The following LOC122539214 variants were observed in gnomAD, a reference collection of about 807,000 sequenced individuals.
chr19:52,667,912 T>C, the LOC122539214 span, among the ~76,000 whole-genome samples: 1 of 152,196 alleles, frequency 6.6e-6, no homozygotes, highest in Non-Finnish European at 1.5e-5. Context: ...AAATCATACA[T>C]GAAGTGTTAA....
the LOC122539214 span, among the ~76,000 whole-genome samples, chr19:52,681,214 C>T: frequency 2.7e-4 from 37 of 135,840 alleles, no homozygotes; most frequent in Middle Eastern, 4.3e-3. Flanking sequence ...GCCCAGGAGA[C>T]GGAGGCTGCA....
At chr19:52,684,971 C>T in the LOC122539214 span, among the ~76,000 whole-genome samples, 1 of 152,270 alleles carries the variant, frequency 6.6e-6, no homozygotes, top group Middle Eastern at 3.4e-3. Flanking sequence ...ACTGACATGA[C>T]CTGCTTTAGA....
the LOC122539214 span, among the ~76,000 whole-genome samples, chr19:52,656,714 A>T: frequency 6.6e-6 from 1 of 152,010 alleles, no homozygotes; most frequent in African/African-American, 2.4e-5. Flanking sequence ...AAAAACACAA[A>T]AATTAGCTTG....
the LOC122539214 span, among the ~76,000 whole-genome samples, chr19:52,661,155 A>T: frequency 1.9e-3 from 291 of 152,146 alleles, 2 homozygotes; most frequent in African/African-American, 6.8e-3. Flanking sequence ...AAACCACCAG[A>T]CCCAGCTGAG....
the LOC122539214 span, among the ~76,000 whole-genome samples, chr19:52,670,186 C>T: frequency 2.0e-5 from 3 of 152,078 alleles, no homozygotes; most frequent in Non-Finnish European, 4.4e-5. Flanking sequence ...TCCACCTTGA[C>T]TCATTCTGAT....
chr19:52,673,464 C>G, the LOC122539214 span, among the ~76,000 whole-genome samples: 1 of 151,960 alleles, frequency 6.6e-6, no homozygotes, highest in African/African-American at 2.4e-5. Flanking sequence ...GATCGCACCA[C>G]TACACTCCAG....
the LOC122539214 span, among the ~76,000 whole-genome samples, chr19:52,675,457 C>T: frequency 6.6e-6 from 1 of 152,274 alleles, no homozygotes; most frequent in East Asian, 1.9e-4. Context: ...GCGCTGCTGA[C>T]AGTGGTTCTG....
chr19:52,652,487 C>A, the LOC122539214 span: 1 of 442,190 alleles, frequency 2.3e-6, no homozygotes, highest in East Asian at 7.1e-5. Context: ...AGGTTCTCTC[C>A]CATATGAATT....
the LOC122539214 span, chr19:52,652,055 A>C: frequency 4.2e-6 from 1 of 237,864 alleles, no homozygotes; most frequent in Non-Finnish European, 8.5e-6. Flanking sequence ...GAGTGACCTC[A>C]GACTAAAGAC....
the LOC122539214 span, among the ~76,000 whole-genome samples, chr19:52,661,032 T>C: frequency 1.3e-5 from 2 of 152,002 alleles, no homozygotes; most frequent in Admixed American, 1.3e-4. Context: ...GCACAGCTAA[T>C]TTTTGTATTT....
At chr19:52,667,263 T>C in the LOC122539214 span, among the ~76,000 whole-genome samples, 1 of 150,612 alleles carries the variant, frequency 6.6e-6, no homozygotes, top group Non-Finnish European at 1.5e-5. Flanking sequence ...AGAATTTATG[T>C]AAAAAGAATG....
the LOC122539214 span, among the ~76,000 whole-genome samples, chr19:52,653,868 A>G: frequency 6.6e-6 from 1 of 152,196 alleles, no homozygotes; most frequent in African/African-American, 2.4e-5. Context: ...AATGTGAGCT[A>G]TAATTAAAGG....
the LOC122539214 span, among the ~76,000 whole-genome samples, chr19:52,683,263 T>C: frequency 1.4e-3 from 128 of 88,406 alleles, 1 homozygote; most frequent in African/African-American, 4.0e-3. Flanking sequence ...TGTGTGTGTG[T>C]GTGTGTGTGT....
chr19:52,687,573 AAATTT>A, the LOC122539214 span, among the ~76,000 whole-genome samples: 16 of 36,000 alleles, frequency 4.4e-4, no homozygotes, highest in African/African-American at 1.6e-3. Context: ...ATATATATAT[AAATTT>A]TATATATATA....
the LOC122539214 span, chr19:52,651,683 C>CAA: frequency 4.3e-5 from 5 of 117,278 alleles, no homozygotes; most frequent in East Asian, 2.4e-4. Flanking sequence ...GACTCTGTCT[C>CAA]AAAAAAAAAA....
the LOC122539214 span, chr19:52,651,861 A>T: frequency 6.2e-6 from 1 of 161,958 alleles, no homozygotes; most frequent in African/African-American, 2.4e-5. Flanking sequence ...GAGCAACTGC[A>T]CCCTGCCCAT....
At chr19:52,663,931 G>A in the LOC122539214 span, among the ~76,000 whole-genome samples, 3 of 152,078 alleles carry the variant, frequency 2.0e-5, no homozygotes, top group Admixed American at 6.6e-5. Context: ...TCTGTTGCCC[G>A]GCTGGAATGC....
At chr19:52,689,981 G>C in the LOC122539214 span, among the ~76,000 whole-genome samples, 1 of 152,322 alleles carries the variant, frequency 6.6e-6, no homozygotes, top group South Asian at 2.1e-4. Context: ...GAGGTGGGGG[G>C]CGACGGCGCC....
At chr19:52,658,359 AG>A in the LOC122539214 span, among the ~76,000 whole-genome samples, 1 of 152,058 alleles carries the variant, frequency 6.6e-6, no homozygotes, top group Non-Finnish European at 1.5e-5. Flanking sequence ...TGAGGTCAGA[AG>A]TTCATGACCG....
Sources: allele counts gnomAD v4.1 joint callset (sites outside exome capture counted in the v4.1 genomes callset), GRCh38; gene constraint gnomAD v4.1.1; transcripts MANE v1.5.